Variants in CRISP3 observed in about 807,000 individuals in gnomAD.
CRISP3 encodes the protein cysteine-rich secretory protein 3.
A neutral mutation model predicts 36.1 loss-of-function variants in CRISP3; 33 were observed. The observed-to-expected ratio is 0.91, with a 90% confidence interval of 0.69 to 1.22. The LOEUF (loss-of-function observed/expected upper bound fraction) is 1.22. CRISP3 is among the 50% of genes most tolerant of loss of function. The pLI, the probability that CRISP3 is intolerant of heterozygous loss-of-function variation, is 0.00. For missense variants in CRISP3, 330 were observed against 301.2 expected (o/e 1.10, Z -0.71); for synonymous variants, 117 against 104.6 (o/e 1.12, Z -0.72).
chr6:49,737,333 C>A lies in CRISP3; in HGVS notation c.103G>T (p.Glu35Ter). The change falls in exon 2 of 8, where the codon GAA becomes TAA. Residue 35 changes from glutamate to a stop codon, truncating the protein, a stop_gained. Transcript: ENST00000263045. LOFTEE classifies it high-confidence loss of function. ...AGLLPSFPAN[E>*]DKDPAFTALL... ...TTTGACTTCAACCATACCTTATCTT[C>A]ATTTGCTGGAAAAGATGGAAGCAGC... 1 of 1,613,804 alleles carries A rather than the reference C, an allele frequency of 6.2e-7. No individual in the cohort carries two copies. Among genetic ancestry groups the A allele is most frequent in the Non-Finnish European group, 8.5e-7 (1 of 1,179,810 alleles).
intron 1 of CRISP3, among the ~76,000 whole-genome samples, chr6:49,738,856 T>C (rs1458570940): frequency 6.6e-6 from 1 of 152,032 alleles, no homozygotes; most frequent in Non-Finnish European, 1.5e-5. Flanking sequence ...CCCGCAAATA[T>C]GGGACTTTGC....
chr6:49,740,277 C>T (rs2127453357), intron 1 of CRISP3, among the ~76,000 whole-genome samples: 1 of 152,256 alleles, frequency 6.6e-6, no homozygotes, highest in Non-Finnish European at 1.5e-5. Flanking sequence ...CTTCTATAGG[C>T]ATATCTGGCT....
Position 49,733,247 on chromosome 6 carries a change from A to G in CRISP3, c.508T>C (p.Cys170Arg). Reference sequence around the variant, plus strand: ...TATTTTAGAACTTTTTGATTGGGACAGTAGGCATTTCCACATCCAACGAGG... The same window carrying G: ...TATTTTAGAACTTTTTGATTGGGACGGTAGGCATTTCCACATCCAACGAGG... ...SYLVGCGNAY[C>R]PNQKVLKYYY... Residue 170 changes from cysteine to arginine, a missense_variant, in exon 6 of 8, where the codon TGT (cysteine) becomes CGT (arginine). Physicochemically the swap from Cys to Arg is radical, Grantham distance 180. Coordinates refer to ENST00000263045, the MANE Select transcript of CRISP3 (RefSeq NM_006061.4). 1 of 1,612,006 alleles carries G rather than the reference A, an allele frequency of 6.2e-7. No homozygotes were observed. The highest frequency in any genetic ancestry group is 8.5e-7 in the Non-Finnish European group (1 of 1,178,810).
Position 49,735,588 on chromosome 6 carries a change from A to G in CRISP3, c.232T>C (p.Trp78Arg). The G allele has an allele frequency of 6.2e-7, 1 of 1,611,396 alleles. No homozygotes were observed. Among genetic ancestry groups the G allele is most frequent in the Non-Finnish European group, 8.5e-7 (1 of 1,178,538 alleles). The change falls in exon 4 of 8, where the codon TGG becomes CGG. Residue 78 changes from tryptophan (W) to arginine (R), a missense_variant. Physicochemically the swap from Trp to Arg is moderately radical, Grantham distance 101. Transcript: ENST00000263045. Reference sequence around the variant, plus strand: ...GCATTTGCTGCAGCCTCTTTGTTCCATTCCTGAAACAAGGACAGAAAAAAG... The same window carrying G: ...GCATTTGCTGCAGCCTCTTTGTTCCGTTCCTGAAACAAGGACAGAAAAAAG... ...PPARNMLKME[W>R]NKEAAANAQK... is the part of the protein sequence containing the mutation.
intron 1 of CRISP3, among the ~76,000 whole-genome samples, chr6:49,742,216 T>C (rs1385302660): frequency 6.6e-6 from 1 of 152,124 alleles, no homozygotes; most frequent in African/African-American, 2.4e-5. Context: ...ATTGAGAGTT[T>C]TGTAATGCTT....
At chr6:49,733,638 A>C in intron 5 of CRISP3, 65 bp downstream of exon 5, 1 of 1,506,496 alleles carries the variant, frequency 6.6e-7, no homozygotes. Context: ...ATCAGTCAAA[A>C]TTTGAAGAAT....
At chr6:49,740,575 ATGTGTGTG>A (rs35601509) in intron 1 of CRISP3, among the ~76,000 whole-genome samples, 245 of 141,536 alleles carry the variant, frequency 1.7e-3, no homozygotes, top group African/African-American at 5.0e-3. Context: ...GTGTATATGG[ATGTGTGTG>A]TGTGTGTGTG....
intron 4 of CRISP3, among the ~76,000 whole-genome samples, chr6:49,734,526 T>A (rs982444548): frequency 6.6e-6 from 1 of 152,110 alleles, no homozygotes; most frequent in Non-Finnish European, 1.5e-5. Flanking sequence ...ATATTTATAT[T>A]TGGATGGCTT....
intron 1 of CRISP3, among the ~76,000 whole-genome samples, chr6:49,737,732 C>A (rs1466090822): frequency 6.6e-6 from 1 of 152,178 alleles, no homozygotes; most frequent in Non-Finnish European, 1.5e-5. Flanking sequence ...GGAGTGGATT[C>A]TTCACAATAA....
intron 2 of CRISP3, 91 bp from the exon 3 acceptor site, chr6:49,736,598 T>C (rs1582195022): frequency 2.1e-6 from 2 of 931,436 alleles, no homozygotes; most frequent in African/African-American, 1.6e-5. Context: ...CAAAGACCAT[T>C]TTTAAAAAGT....
intron 6 of CRISP3, among the ~76,000 whole-genome samples, chr6:49,731,953 T>A (rs1768927633): frequency 6.6e-6 from 1 of 152,232 alleles, no homozygotes; most frequent in African/African-American, 2.4e-5. Flanking sequence ...TTACAGTGAC[T>A]AGCCTGTACA....
chr6:49,737,121 C>T (rs512299), intron 2 of CRISP3, among the ~76,000 whole-genome samples: 21,365 of 151,930 alleles, frequency 0.14, 1,691 homozygotes, highest in African/African-American at 0.21. Flanking sequence ...AATTAATGAA[C>T]TTCAATACCC....
intron 1 of CRISP3, among the ~76,000 whole-genome samples, chr6:49,738,976 G>A (rs1162034698): frequency 3.3e-5 from 5 of 151,018 alleles, no homozygotes; most frequent in African/African-American, 1.2e-4. Context: ...TTTGTCCAAT[G>A]CATTAATAAA....
chr6:49,742,208 TGA>T (rs1210370170), intron 1 of CRISP3, among the ~76,000 whole-genome samples: 2 of 152,108 alleles, frequency 1.3e-5, no homozygotes, highest in African/African-American at 2.4e-5. Flanking sequence ...CTGAATAAAT[TGA>T]GAGTTTTGTA....
chr6:49,737,466 T>C, intron 1 of CRISP3, 68 bp from the exon 2 acceptor site: 1 of 1,544,498 alleles, frequency 6.5e-7, no homozygotes, highest in Non-Finnish European at 8.9e-7. Flanking sequence ...TTGAGTAACA[T>C]GGGGGTGGGA....
intron 1 of CRISP3, among the ~76,000 whole-genome samples, chr6:49,743,975 C>A (rs1404057392): frequency 6.6e-6 from 1 of 152,058 alleles, no homozygotes; most frequent in Non-Finnish European, 1.5e-5. Flanking sequence ...TGAAAGTATG[C>A]ACACACATAT....
chr6:49,741,614 T>G (rs1412683825), intron 1 of CRISP3, among the ~76,000 whole-genome samples: 3 of 129,302 alleles, frequency 2.3e-5, no homozygotes, highest in Middle Eastern at 4.5e-3. Flanking sequence ...GTATGTAGTT[T>G]TTTTTTTTTT....
At position 49,727,557 on chromosome 6, in the gene CRISP3, C is replaced by T. The variant is rs973695386; in HGVS notation, c.*1173G>A. On this transcript the variant is annotated 3_prime_UTR_variant, in exon 8 of 8. Coordinates refer to ENST00000263045, the MANE Select transcript of CRISP3 (RefSeq NM_006061.4). ...AATCAACACTACTGTTAAAAATACT[C>T]CAGATTCTATTCAGACTTCATCAGT... 2.6e-5 allele frequency: 4 copies of T among 152,050 alleles called. No individual in the cohort carries two copies. Among genetic ancestry groups the T allele is most frequent in the Admixed American group, 6.5e-5 (1 of 15,268 alleles). 9.4% of individuals were successfully genotyped at this position (152,050 alleles called of 1,614,324 possible).
Position 49,733,780 on chromosome 6 carries a change from A to G in CRISP3, c.385T>C (p.Trp129Arg), listed in dbSNP as rs551317904. 5 of 1,613,882 alleles carry G rather than the reference A, an allele frequency of 3.1e-6. No homozygotes were observed. The highest frequency in any genetic ancestry group is 4.5e-5 in the East Asian group (2 of 44,868). Reference protein sequence around the residue: ...SSSWSQAIQSWFDEYNDFDFG... With the variant: ...SSSWSQAIQSRFDEYNDFDFG... ...TCAAAATCATTGTACTCATCAAACC[A>G]GCTTTGGATTGCTTGTGACCATGAG... Residue 129 changes from tryptophan to arginine, a missense_variant, in exon 5 of 8, where the codon TGG becomes CGG. By Grantham distance (101) the Trp-to-Arg change is moderately radical. Transcript: ENST00000263045.
Sources: allele counts gnomAD v4.1 joint callset (sites outside exome capture counted in the v4.1 genomes callset), GRCh38; gene constraint gnomAD v4.1.1; transcripts MANE v1.5; gene names NCBI Gene and HGNC (gene_info 2026-07-23, HGNC 2026-07-21).